Variants in C2CD5 observed in about 807,000 individuals in gnomAD.
C2CD5 encodes the protein C2 domain-containing protein 5.
A neutral mutation model predicts 130.3 loss-of-function variants in C2CD5; 109 were observed. That is an observed-to-expected ratio of 0.84 (90% CI 0.72 to 0.98). The LOEUF (loss-of-function observed/expected upper bound fraction) is 0.98, where lower values mean the gene tolerates loss of function less well. Ranked by LOEUF, C2CD5 falls within the 50% of genes least tolerant of loss-of-function variation. The pLI is 0.00. For synonymous variants in C2CD5, 454 were observed against 429.2 expected, an observed-to-expected ratio of 1.06 and a Z score of -0.71; for missense variants, 996 against 1,261.8, an observed-to-expected ratio of 0.79 and a Z score of 3.19.
chr12:22,488,894 T>G (rs1945971917), intron 12 of C2CD5, among the ~76,000 whole-genome samples: 1 of 150,596 alleles, frequency 6.6e-6, no homozygotes, highest in South Asian at 2.1e-4. Flanking sequence ...TTTTTTTAAA[T>G]AGAGTCTCAC....
At chr12:22,526,610 G>A (rs978429879) in intron 4 of C2CD5, among the ~76,000 whole-genome samples, 1 of 152,118 alleles carries the variant, frequency 6.6e-6, no homozygotes, top group Non-Finnish European at 1.5e-5. Flanking sequence ...AGTGGCTCAT[G>A]CCTGTAATCT....
Position 22,456,959 on chromosome 12 carries a change from C to G in C2CD5, c.2877+12G>C. 6.7e-7 allele frequency: 1 copy of G among 1,496,064 alleles called. No individual in the cohort carries two copies. The highest frequency in any genetic ancestry group is 2.4e-5 in the East Asian group (1 of 42,004). 92.7% of individuals were successfully genotyped at this position (1,496,064 alleles called of 1,614,324 possible). On this transcript the variant is annotated intron_variant, in intron 25 of 26. Transcript: ENST00000446597. ...AATTTTTTAAAAAATGAAATAACTTCTATAAAATTACCTCCCGAAGAGAAG... is the reference window on the plus strand; with the variant it reads ...AATTTTTTAAAAAATGAAATAACTTGTATAAAATTACCTCCCGAAGAGAAG...
chr12:22,471,909 C>T (rs370388380), intron 19 of C2CD5, 58 bp downstream of exon 19: 3 of 916,844 alleles, frequency 3.3e-6, no homozygotes, highest in East Asian at 2.4e-5. Context: ...GCAATATAGA[C>T]ACTTAAAATT....
At position 22,523,504 on chromosome 12, in the gene C2CD5, G is replaced by T; in HGVS notation, c.722C>A (p.Thr241Lys). Residue 241 changes from threonine to lysine, a missense_variant, in exon 7 of 27, where the codon ACG becomes AAG. Thr to Lys is a moderately conservative substitution (Grantham distance 78). This residue lies in a region of C2CD5 where 156 missense variants were observed against 165.9 expected (regional missense o/e 0.94). Transcript: ENST00000446597. ...ESGLVVRAIGTACTLDKLSSP... is the reference protein window; with the variant it reads ...ESGLVVRAIGKACTLDKLSSP... ...ACTTAATTTATCCAGAGTACACGCC[G>T]TTCCTATGGCTCGCACCACTAACCC... 1 of 1,613,898 alleles carries T rather than the reference G, an allele frequency of 6.2e-7. No individual in the cohort carries two copies. The highest frequency in any genetic ancestry group is 8.5e-7 in the Non-Finnish European group (1 of 1,179,914).
chr12:22,517,638 G>A (rs1250107006), intron 8 of C2CD5, among the ~76,000 whole-genome samples: 2 of 152,056 alleles, frequency 1.3e-5, no homozygotes, highest in Non-Finnish European at 2.9e-5. Flanking sequence ...ATTCAAAAAT[G>A]CTTGTATGCA....
rs754817359 is a variant in C2CD5, at chr12:22,523,627, A to G, written c.602-3T>C. 1.1e-5 allele frequency: 17 copies of G among 1,610,110 alleles called. No homozygotes were observed. The South Asian group carries it at 1.9e-4, about 18-fold the overall frequency. On this transcript the variant is annotated splice_polypyrimidine_tract_variant and splice_region_variant and intron_variant, in intron 6 of 26. Transcript: ENST00000446597. ...GCCAATCTTCCTCTGCAGCTCACCTACAAAACATGGGAAATCTCATTCTTG... is the reference window on the plus strand; with the variant it reads ...GCCAATCTTCCTCTGCAGCTCACCTGCAAAACATGGGAAATCTCATTCTTG...
At chr12:22,518,967 A>G (rs1950023566) in intron 7 of C2CD5, 2 of 600,906 alleles carry the variant, frequency 3.3e-6, no homozygotes, top group South Asian at 2.5e-5. Context: ...CTAAATACAG[A>G]AGTTCCTCAC....
intron 2 of C2CD5, among the ~76,000 whole-genome samples, chr12:22,537,226 T>G (rs1294579613): frequency 1.3e-5 from 2 of 152,058 alleles, no homozygotes; most frequent in African/African-American, 4.8e-5. Flanking sequence ...ACAAACTGCT[T>G]TAAACAAACA....
At chr12:22,533,009 A>G (rs1359193007) in intron 3 of C2CD5, among the ~76,000 whole-genome samples, 2 of 152,242 alleles carry the variant, frequency 1.3e-5, no homozygotes, top group African/African-American at 4.8e-5. Flanking sequence ...GTGGTATCAG[A>G]GAAATGGGCA....
chr12:22,461,931 C>T (rs944517768), intron 22 of C2CD5, among the ~76,000 whole-genome samples: 3 of 151,304 alleles, frequency 2.0e-5, no homozygotes, highest in African/African-American at 7.4e-5. Flanking sequence ...AGGCCCAAGG[C>T]CAGCTGGTCC....
At chr12:22,516,632 G>A (rs192868591) in intron 8 of C2CD5, among the ~76,000 whole-genome samples, 1 of 149,950 alleles carries the variant, frequency 6.7e-6, no homozygotes. Flanking sequence ...TCTGTGGTAT[G>A]GCAAAAAAAA....
At chr12:22,460,725 C>T (rs1013130026) in intron 22 of C2CD5, 5 of 152,004 alleles carry the variant, frequency 3.3e-5, no homozygotes, top group Admixed American at 3.3e-4. Flanking sequence ...TTACAGGCAC[C>T]CACCACCACG....
chr12:22,452,316 T>C (rs963728054), intron 26 of C2CD5, among the ~76,000 whole-genome samples: 5 of 152,172 alleles, frequency 3.3e-5, no homozygotes, highest in Non-Finnish European at 5.9e-5. Flanking sequence ...TCCACTCTAC[T>C]TCTACTTTCA....
rs770670225 is a variant in C2CD5, at chr12:22,535,254, T to C, written c.177+4A>G. On this transcript the variant is annotated splice_donor_region_variant and intron_variant, in intron 3 of 26. Coordinates refer to ENST00000446597, the MANE Select transcript of C2CD5 (RefSeq NM_001286176.2). Reference sequence around the variant, plus strand: ...CTCAAAAATGCTGACATTTAAAAACTTACCTCAAATTTAAACCACTCCGAG... The same window carrying C: ...CTCAAAAATGCTGACATTTAAAAACCTACCTCAAATTTAAACCACTCCGAG... The C allele has an allele frequency of 2.6e-6, 4 of 1,548,354 alleles. No homozygotes were observed. The South Asian group carries it at 3.4e-5, about 13-fold the overall frequency.
chr12:22,484,476 A>G, intron 13 of C2CD5: 1 of 387,138 alleles, frequency 2.6e-6, no homozygotes, highest in Non-Finnish European at 4.6e-6. Context: ...ATATTTGTGT[A>G]GAATTTAAAG....
At chr12:22,541,038 C>T (rs1223009565) in intron 2 of C2CD5, among the ~76,000 whole-genome samples, 1 of 152,166 alleles carries the variant, frequency 6.6e-6, no homozygotes, top group East Asian at 1.9e-4. Context: ...TTGAGAAACA[C>T]TGGCTTGTGT....
At chr12:22,544,000 G>A (rs902011757) in intron 2 of C2CD5, 61 bp downstream of exon 2, 43 of 1,280,488 alleles carry the variant, frequency 3.4e-5, no homozygotes, top group East Asian at 2.6e-4. Context: ...GGGCGAGGTG[G>A]GTAGATCCTT....
At chr12:22,540,027 C>T (rs1016814502) in intron 2 of C2CD5, among the ~76,000 whole-genome samples, 7 of 151,452 alleles carry the variant, frequency 4.6e-5, no homozygotes, top group African/African-American at 1.7e-4. Context: ...AAAAACCCTA[C>T]CTAGAACCTC....
Position 22,472,316 on chromosome 12 carries a change from G to A in C2CD5, c.2139C>T (p.Pro713=), listed in dbSNP as rs1450317010. ...GFYSCNTEIM[P]GINNWTSEIQ... is the part of the protein sequence containing the mutation. ...TTTCAGAGGTCCAATTATTTATACC[G>A]GGCATAATTTCTGTATTACAACTAT... is the stretch of plus-strand genomic sequence containing the variant. The change falls in exon 18 of 27, where the codon CCC becomes CCT. Residue 713 remains proline, a synonymous_variant. Transcript: ENST00000446597. 6.0e-6 allele frequency: 9 copies of A among 1,512,416 alleles called. No individual in the cohort carries two copies. The highest frequency in any genetic ancestry group is 5.7e-5 in the Admixed American group (3 of 52,914). The allele number at this position is 1,512,416 out of a possible 1,614,324, so 93.7% of individuals were successfully genotyped here. A position where few individuals can be genotyped will look rare whatever the true frequency, so the allele number is the denominator to read the frequency against.
Sources: gnomAD v4.1 joint callset for allele counts (sites outside exome capture counted in the v4.1 genomes callset) on GRCh38, gnomAD v4.1.1 for gene constraint, gnomAD v4.1.1 regional missense constraint, MANE v1.5 for transcripts, NCBI Gene and HGNC (gene_info 2026-07-23, HGNC 2026-07-21) for gene names.